The following SEC22C variants were observed in gnomAD, a reference collection of about 807,000 sequenced individuals.
The protein encoded by SEC22C is vesicle-trafficking protein SEC22c.
Under a neutral mutation model 34.7 loss-of-function variants are expected in SEC22C, and 29 were observed. The observed-to-expected ratio is 0.84, with a 90% confidence interval of 0.62 to 1.14. The LOEUF (loss-of-function observed/expected upper bound fraction) is 1.14. SEC22C is among the 50% of genes most tolerant of loss of function. The probability of loss-of-function intolerance (pLI) is 0.00; values close to 1 mark genes in which losing one functional copy is unlikely to be tolerated. For missense variants in SEC22C, 337 were observed against 369.0 expected (o/e 0.91, Z 0.71); for synonymous variants, 117 against 132.8 (o/e 0.88, Z 0.82).
chr3:42,590,872 G>A (rs773866808), intron 1 of SEC22C: 2 of 1,613,634 alleles, frequency 1.2e-6, no homozygotes, highest in Admixed American at 3.3e-5. Flanking sequence ...GTTGCTTGGC[G>A]GTCGTGGTTC....
rs1702143451 is a variant in SEC22C at position 42,549,452 on chromosome 3, G to C, written c.*3796C>G. 1.0e-6 allele frequency: 1 copy of C among 985,622 alleles called. No individual in the cohort carries two copies. The highest frequency in any genetic ancestry group is 1.2e-6 in the Non-Finnish European group (1 of 830,160). The allele number at this position is 985,622 out of a possible 1,614,324, so 61.1% of individuals were successfully genotyped here. A position where few individuals can be genotyped will look rare whatever the true frequency, so the allele number is the denominator to read the frequency against. ...CAGCTGCTATCTTCCAGCAGAGAGA[G>C]AACCCCCAGCTCTGCTCCCTACCTA... On this transcript the variant is annotated 3_prime_UTR_variant, in exon 7 of 7. Coordinates refer to ENST00000264454, the MANE Select transcript of SEC22C (RefSeq NM_032970.4).
chr3:42,597,109 G>A (rs1307829535), intron 1 of SEC22C, among the ~76,000 whole-genome samples: 1 of 152,128 alleles, frequency 6.6e-6, no homozygotes, highest in Non-Finnish European at 1.5e-5. Flanking sequence ...AGCAAAATCA[G>A]ACCCAAGACC....
At position 42,550,069 on chromosome 3, in the gene SEC22C, T is replaced by C. The variant is rs921928272; in HGVS notation, c.*3179A>G. The C allele has an allele frequency of 2.0e-5, 20 of 985,314 alleles. No individual in the cohort carries two copies. The Admixed American group carries it at 4.3e-4, about 21-fold the overall frequency. 61.0% of individuals were successfully genotyped at this position (985,314 alleles called of 1,614,324 possible). On this transcript the variant is annotated 3_prime_UTR_variant, in exon 7 of 7. Transcript: ENST00000264454. ...AAACAGATTTACATGTTTCGTTCAT[T>C]AGCATATTAGGGAAGGGGAAACCTT... is the stretch of plus-strand genomic sequence containing the variant.
chr3:42,556,362 G>A (rs141751709), intron 5 of SEC22C, among the ~76,000 whole-genome samples: 39 of 152,380 alleles, frequency 2.6e-4, no homozygotes, highest in African/African-American at 9.1e-4. Flanking sequence ...TTTGGGCCAT[G>A]AGAGCCCCCA....
intron 1 of SEC22C, among the ~76,000 whole-genome samples, chr3:42,573,221 T>G (rs1049581917): frequency 2.0e-5 from 3 of 152,140 alleles, no homozygotes; most frequent in African/African-American, 7.2e-5. Flanking sequence ...ATGGAGATTC[T>G]AGAATTAAAA....
chr3:42,582,056 A>C (rs983577426), upstream of SEC22C: 2 of 152,214 alleles, frequency 1.3e-5, no homozygotes, highest in African/African-American at 4.8e-5. Flanking sequence ...AAACCGACCA[A>C]TCCCGGCGCG....
Position 42,553,429 on chromosome 3 carries a change from T to C in SEC22C, c.731A>G (p.Tyr244Cys), listed in dbSNP as rs1457694950. Residue 244 changes from tyrosine to cysteine, a missense_variant, in exon 7 of 7, where the codon TAC becomes TGC. Transcript: ENST00000264454. Reference protein sequence around the residue: ...CIFQCYLYLFYSPARTMKVVL... With the variant: ...CIFQCYLYLFCSPARTMKVVL... Reference sequence around the variant, plus strand: ...CACCTTCATAGTCCTGGCTGGACTGTAGAACAGGTACAAATAACACTGAAA... The same window carrying C: ...CACCTTCATAGTCCTGGCTGGACTGCAGAACAGGTACAAATAACACTGAAA... 3 of 1,613,974 alleles carry C rather than the reference T, an allele frequency of 1.9e-6. No individual in the cohort carries two copies. Among genetic ancestry groups the C allele is most frequent in the South Asian group, 2.2e-5 (2 of 91,064 alleles).
intron 1 of SEC22C, among the ~76,000 whole-genome samples, chr3:42,580,201 A>G (rs1704238397): frequency 1.3e-5 from 2 of 152,136 alleles, no homozygotes; most frequent in South Asian, 4.2e-4. Flanking sequence ...ACCCCTCCTC[A>G]AGCCCCTACC....
chr3:42,574,117 T>C (rs1703807534), intron 1 of SEC22C, among the ~76,000 whole-genome samples: 1 of 151,918 alleles, frequency 6.6e-6, no homozygotes, highest in African/African-American at 2.4e-5. Context: ...AGAAAAATAA[T>C]AACCTTACCT....
rs185587138 is a variant in SEC22C at position 42,567,264 on chromosome 3, C to T, written c.182+1601G>A. ...ATATAAGGAGAGCAAAAGAGACTTG[C>T]TAAGTAAAGGTCTAAAACGAGAAAA... On this transcript the variant is annotated intron_variant, in intron 2 of 6. Coordinates refer to ENST00000264454, the MANE Select transcript of SEC22C (RefSeq NM_032970.4). Among the ~76,000 whole-genome samples the T allele has an allele frequency of 3.3e-3, 508 of 152,264 alleles. 4 individuals are homozygous for T. The highest frequency in any genetic ancestry group is 0.014 in the Middle Eastern group (4 of 294).
upstream of SEC22C, among the ~76,000 whole-genome samples, chr3:42,585,213 C>A (rs1195258167): frequency 6.6e-6 from 1 of 152,226 alleles, no homozygotes; most frequent in African/African-American, 2.4e-5. Context: ...TGCTTTAGAA[C>A]AGGACCTTAC....
chr3:42,586,305 C>G (rs1704606460), upstream of SEC22C, among the ~76,000 whole-genome samples: 1 of 152,166 alleles, frequency 6.6e-6, no homozygotes, highest in Non-Finnish European at 1.5e-5. Flanking sequence ...TTACTGCAAC[C>G]TCTGCCTGCC....
chr3:42,590,010 T>A (rs1704763128), intron 1 of SEC22C, among the ~76,000 whole-genome samples: 1 of 152,232 alleles, frequency 6.6e-6, no homozygotes, highest in African/African-American at 2.4e-5. Context: ...ATTCAGAGAC[T>A]GGCTTTGCTA....
chr3:42,593,549 G>A (rs1358821513), intron 1 of SEC22C, among the ~76,000 whole-genome samples: 1 of 152,136 alleles, frequency 6.6e-6, no homozygotes, highest in Non-Finnish European at 1.5e-5. Context: ...GGAGGGAGGT[G>A]TCCTGGAACC....
chr3:42,600,541 CG>C (rs1705267153), intron 1 of SEC22C: 1 of 82,140 alleles, frequency 1.2e-5, no homozygotes, highest in Non-Finnish European at 2.3e-5. Context: ...TCCCCAGACA[CG>C]CCCCCGTGCG....
At chr3:42,596,644 A>T (rs560114502) in intron 1 of SEC22C, among the ~76,000 whole-genome samples, 10 of 152,352 alleles carry the variant, frequency 6.6e-5, no homozygotes, top group African/African-American at 1.9e-4. Flanking sequence ...CCTTAATCAC[A>T]GACCAAATTG....
At chr3:42,554,528 A>G (rs888299916) in intron 6 of SEC22C, among the ~76,000 whole-genome samples, 1 of 151,972 alleles carries the variant, frequency 6.6e-6, no homozygotes, top group East Asian at 1.9e-4. Flanking sequence ...TATTTTTATT[A>G]TAATAGAGAT....
chr3:42,582,179 C>G (rs554680730), upstream of SEC22C: 1 of 152,366 alleles, frequency 6.6e-6, no homozygotes, highest in Non-Finnish European at 1.5e-5. Context: ...TTCTTCCCAC[C>G]TCCCGGCTCT....
intron 4 of SEC22C, among the ~76,000 whole-genome samples, chr3:42,558,460 C>T (rs1486068450): frequency 6.8e-6 from 1 of 147,432 alleles, no homozygotes; most frequent in East Asian, 2.0e-4. Flanking sequence ...TGCACTCAAG[C>T]CTAGGCAACA....
Sources: allele counts gnomAD v4.1 joint callset (sites outside exome capture counted in the v4.1 genomes callset), GRCh38; gene constraint gnomAD v4.1.1; transcripts MANE v1.5; gene names NCBI Gene and HGNC (gene_info 2026-07-23, HGNC 2026-07-21).